NCOA2: variants seen among roughly 807,000 people sequenced by gnomAD.
NCOA2 encodes class E basic helix-loop-helix protein 75.
A neutral mutation model predicts 145.1 loss-of-function variants in NCOA2; 21 were observed. That is an observed-to-expected ratio of 0.14 (90% CI 0.10 to 0.21). The LOEUF is 0.21. Ranked by LOEUF, NCOA2 falls within the 10% of genes least tolerant of loss-of-function variation. NCOA2 has a pLI of 1.00. For synonymous variants in NCOA2, 619 were observed against 637.5 expected (o/e 0.97, Z 0.44); for missense variants, 1,472 against 1,837.6 (o/e 0.80, Z 3.64).
intron 2 of NCOA2, among the ~76,000 whole-genome samples, chr8:70,238,572 G>A (rs1430886644): frequency 2.0e-5 from 3 of 152,114 alleles, no homozygotes; most frequent in Non-Finnish European, 2.9e-5. Flanking sequence ...CTAGAAATAC[G>A]TAACAGGAGA....
intron 12 of NCOA2, among the ~76,000 whole-genome samples, chr8:70,147,132 G>C (rs934896795): frequency 1.3e-5 from 2 of 149,608 alleles, no homozygotes; most frequent in African/African-American, 5.1e-5. Context: ...GCGCGCGTGT[G>C]TGTGTGTGTG....
intron 1 of NCOA2, among the ~76,000 whole-genome samples, chr8:70,346,440 T>A (rs1242527966): frequency 1.3e-5 from 2 of 152,214 alleles, no homozygotes; most frequent in African/African-American, 2.4e-5. Context: ...AGCTCAGTAA[T>A]TTTTTTAGAT....
Position 70,342,774 on chromosome 8 carries a change from TACACACACACACAC to T in NCOA2, c.-76-45988_-76-45975del, listed in dbSNP as rs370685018. On this transcript the variant is annotated intron_variant, in intron 1 of 22. Coordinates refer to ENST00000452400, the MANE Select transcript of NCOA2 (RefSeq NM_006540.4). ...TTACACACTTTTCTTCTTTTGCAATTACACACACACACACACACACACACACACACACACACACA... is the reference window on the plus strand; with the variant it reads ...TTACACACTTTTCTTCTTTTGCAATTACACACACACACACACACACACACA... 8.4e-3 allele frequency among the ~76,000 whole-genome samples: 1,041 copies of T among 124,120 alleles called. 7 individuals carry two copies. The highest frequency in any genetic ancestry group is 0.028 in the Middle Eastern group (7 of 254). 81.4% of individuals were successfully genotyped at this position (124,120 alleles called of 152,430 possible). A position where few individuals can be genotyped will look rare whatever the true frequency, so the allele number is the denominator to read the frequency against.
chr8:70,217,711 A>C (rs1819758909), intron 2 of NCOA2, among the ~76,000 whole-genome samples: 1 of 152,180 alleles, frequency 6.6e-6, no homozygotes, highest in Non-Finnish European at 1.5e-5. Context: ...CCAGTGACAG[A>C]GGTTTACGTA....
the NCOA2 span, among the ~76,000 whole-genome samples, chr8:70,430,853 G>A: frequency 3.9e-4 from 59 of 152,254 alleles, no homozygotes; most frequent in African/African-American, 1.3e-3. Context: ...CAAGAATCCA[G>A]GAAATGAAGT....
chr8:70,200,847 C>T (rs547537291), intron 4 of NCOA2, among the ~76,000 whole-genome samples: 2 of 151,884 alleles, frequency 1.3e-5, no homozygotes, highest in Admixed American at 1.3e-4. Context: ...TGCTTCAGCT[C>T]AGGAGTTCAA....
chr8:70,421,596 G>A, the NCOA2 span, among the ~76,000 whole-genome samples: 84 of 149,740 alleles, frequency 5.6e-4, no homozygotes, highest in Middle Eastern at 0.014. Flanking sequence ...GTGTCTATAC[G>A]ATAATAATTC....
chr8:70,455,609 C>T, the NCOA2 span, among the ~76,000 whole-genome samples: 1 of 150,712 alleles, frequency 6.6e-6, no homozygotes, highest in East Asian at 1.9e-4. Context: ...ATTCATCAGC[C>T]AATTATGGTC....
intron 4 of NCOA2, among the ~76,000 whole-genome samples, chr8:70,176,510 C>A (rs768764975): frequency 1.3e-5 from 2 of 152,146 alleles, no homozygotes; most frequent in African/African-American, 4.8e-5. Context: ...CCTTCTGAGG[C>A]GGCAAATACC....
intron 16 of NCOA2, among the ~76,000 whole-genome samples, chr8:70,129,720 G>A (rs943925749): frequency 1.3e-5 from 2 of 151,956 alleles, no homozygotes; most frequent in Non-Finnish European, 2.9e-5. Context: ...TGCTCAGGCT[G>A]GAGTGCAATG....
At chr8:70,333,752 T>C (rs1192966708) in intron 1 of NCOA2, among the ~76,000 whole-genome samples, 1 of 152,166 alleles carries the variant, frequency 6.6e-6, no homozygotes, top group East Asian at 1.9e-4. Flanking sequence ...CAGCTTGCTC[T>C]AACAAAGATT....
chr8:70,389,481 T>C (rs1244667104), intron 1 of NCOA2, among the ~76,000 whole-genome samples: 16 of 152,130 alleles, frequency 1.1e-4, no homozygotes. Flanking sequence ...GGGTTCTCCA[T>C]GTTGGTCAGG....
chr8:70,209,298 CAAAG>C (rs1407878668), intron 4 of NCOA2, among the ~76,000 whole-genome samples: 2 of 152,146 alleles, frequency 1.3e-5, no homozygotes, highest in African/African-American at 4.8e-5. Flanking sequence ...TGCGGATAAA[CAAAG>C]AAAATGGTTT....
the NCOA2 span, among the ~76,000 whole-genome samples, chr8:70,447,981 AG>A: frequency 6.6e-6 from 1 of 152,180 alleles, no homozygotes; most frequent in African/African-American, 2.4e-5. Flanking sequence ...CACCATGCCT[AG>A]CCCCCGATCT....
chr8:70,152,606 G>A (rs1297472223), intron 11 of NCOA2, among the ~76,000 whole-genome samples: 2 of 152,156 alleles, frequency 1.3e-5, no homozygotes, highest in African/African-American at 4.8e-5. Context: ...GTTTGGTTAA[G>A]TATCAACCAT....
At chr8:70,189,445 C>T (rs904873716) in intron 4 of NCOA2, among the ~76,000 whole-genome samples, 9 of 152,168 alleles carry the variant, frequency 5.9e-5, no homozygotes, top group Non-Finnish European at 1.3e-4. Flanking sequence ...TTCCATTTTT[C>T]ATCTGTGTAT....
Position 70,380,685 on chromosome 8 carries a change from C to T in NCOA2, c.-77+23015G>A, listed in dbSNP as rs569553515. 1.4e-4 allele frequency among the ~76,000 whole-genome samples: 21 copies of T among 152,062 alleles called. No individual in the cohort carries two copies. In the East Asian group the frequency reaches 2.3e-3, roughly 17 times the overall value. Reference sequence around the variant, plus strand: ...TAATTGCACTATTATTACGCTACCACGGAACAAAAATTTTCAAGGACTATA... The same window carrying T: ...TAATTGCACTATTATTACGCTACCATGGAACAAAAATTTTCAAGGACTATA... On this transcript the variant is annotated intron_variant, in intron 1 of 22. Coordinates refer to ENST00000452400, the MANE Select transcript of NCOA2 (RefSeq NM_006540.4).
At chr8:70,420,914 A>T in the NCOA2 span, among the ~76,000 whole-genome samples, 3 of 152,090 alleles carry the variant, frequency 2.0e-5, no homozygotes, top group Non-Finnish European at 4.4e-5. Context: ...AAGTGCTGGG[A>T]TTACAGGCGT....
intron 11 of NCOA2, among the ~76,000 whole-genome samples, chr8:70,149,719 G>A (rs929672959): frequency 6.6e-6 from 1 of 152,066 alleles, no homozygotes; most frequent in Non-Finnish European, 1.5e-5. Context: ...ACCTATCTAT[G>A]TGCCAGATAT....
Sources: allele counts gnomAD v4.1 joint callset (sites outside exome capture counted in the v4.1 genomes callset), GRCh38; gene constraint gnomAD v4.1.1; transcripts MANE v1.5; gene names NCBI Gene and HGNC (gene_info 2026-07-23, HGNC 2026-07-21).